The following CACNA2D1 variants were observed in gnomAD, a reference collection of about 807,000 sequenced individuals.
CACNA2D1 encodes voltage-dependent calcium channel subunit alpha-2/delta-1.
CACNA2D1 carries 53 observed loss-of-function variants against 171.5 expected under a neutral mutation model. The observed-to-expected ratio is 0.31, with a 90% confidence interval of 0.25 to 0.39. CACNA2D1 has a LOEUF of 0.39. CACNA2D1 is among the 10% of genes least tolerant of loss of function. The pLI is 1.00. For synonymous variants in CACNA2D1, 442 were observed against 443.1 expected (o/e 1.00, Z 0.03); for missense variants, 903 against 1,299.8 (o/e 0.69, Z 4.69).
chr7:82,423,503 T>C (rs1828907866), intron 1 of CACNA2D1, among the ~76,000 whole-genome samples: 1 of 152,216 alleles, frequency 6.6e-6, no homozygotes, highest in Non-Finnish European at 1.5e-5. Context: ...TCATGGCAAA[T>C]AGTAAATGTT....
At position 82,248,942 on chromosome 7, in the gene CACNA2D1, C is replaced by G. The variant is rs571011122; in HGVS notation, c.295-78333G>C. ...ACCATCCTGGCTAATACGGTGAAAC[C>G]CTGTCTCTACTAAAAATACAAAAAA... is the stretch of plus-strand genomic sequence containing the variant. On this transcript the variant is annotated intron_variant, in intron 3 of 38. Coordinates refer to ENST00000356860, the MANE Select transcript of CACNA2D1 (RefSeq NM_000722.4). Among the ~76,000 whole-genome samples, 215 of 152,032 alleles carry G rather than the reference C, an allele frequency of 1.4e-3. 4 individuals carry two copies. Among genetic ancestry groups the G allele is most frequent in the African/African-American group, 4.9e-3 (202 of 41,474 alleles).
At chr7:82,267,824 C>T (rs1808079683) in intron 3 of CACNA2D1, among the ~76,000 whole-genome samples, 1 of 152,102 alleles carries the variant, frequency 6.6e-6, no homozygotes, top group Non-Finnish European at 1.5e-5. Context: ...GAAACCCCGT[C>T]TCTACTAAAA....
At position 82,146,983 on chromosome 7, in the gene CACNA2D1, CAAAAAA is replaced by C. The variant is rs764990586; in HGVS notation, c.355-10313_355-10308del. 9.0e-3 allele frequency among the ~76,000 whole-genome samples: 228 copies of C among 25,362 alleles called. 1 individual carries two copies. Among genetic ancestry groups the C allele is most frequent in the African/African-American group, 0.015 (73 of 4,798 alleles). The allele number at this position is 25,362 out of a possible 152,430, so 16.6% of individuals were successfully genotyped here. ...CTGGGTGATAGCAAGACTCCCATCT[CAAAAAA>C]AAAAAAAAAAAAAAAAAAAAAAAAA... is the stretch of plus-strand genomic sequence containing the variant. On this transcript the variant is annotated intron_variant, in intron 4 of 38. Coordinates refer to ENST00000356860, the MANE Select transcript of CACNA2D1 (RefSeq NM_000722.4).
intron 3 of CACNA2D1, among the ~76,000 whole-genome samples, chr7:82,201,212 G>A (rs1799394814): frequency 6.6e-6 from 1 of 152,148 alleles, no homozygotes; most frequent in African/African-American, 2.4e-5. Flanking sequence ...AAGCCTGTGT[G>A]CTAAGCACAA....
chr7:82,440,313 C>A (rs1402202298), intron 1 of CACNA2D1, among the ~76,000 whole-genome samples: 1 of 151,700 alleles, frequency 6.6e-6, no homozygotes, highest in African/African-American at 2.4e-5. Flanking sequence ...AAATTAAGGA[C>A]AAATTTAAAT....
chr7:82,143,313 TAA>T (rs1217068744), intron 4 of CACNA2D1, among the ~76,000 whole-genome samples: 1 of 152,136 alleles, frequency 6.6e-6, no homozygotes, highest in African/African-American at 2.4e-5. Flanking sequence ...ATAATTGATA[TAA>T]AGTGTTAAGT....
intron 24 of CACNA2D1, among the ~76,000 whole-genome samples, chr7:81,978,878 G>A (rs998535039): frequency 8.0e-5 from 12 of 150,674 alleles, no homozygotes; most frequent in Admixed American, 7.3e-4. Flanking sequence ...TAATTGAAGT[G>A]GACATTCATT....
At chr7:82,222,893 T>C (rs531740495) in intron 3 of CACNA2D1, among the ~76,000 whole-genome samples, 24 of 150,734 alleles carry the variant, frequency 1.6e-4, no homozygotes, top group African/African-American at 4.6e-4. Flanking sequence ...ATTTTTTCTT[T>C]CTTTCTTTTT....
intron 7 of CACNA2D1, among the ~76,000 whole-genome samples, chr7:82,073,927 G>C (rs1247478199): frequency 6.6e-6 from 1 of 152,104 alleles, no homozygotes; most frequent in Non-Finnish European, 1.5e-5. Context: ...TGAATGATAA[G>C]ATGCACACAA....
chr7:82,088,044 T>C (rs1316460897), intron 6 of CACNA2D1, among the ~76,000 whole-genome samples: 1 of 152,162 alleles, frequency 6.6e-6, no homozygotes, highest in Non-Finnish European at 1.5e-5. Context: ...TTTCTGTCTG[T>C]CTCTCTAAAT....
intron 10 of CACNA2D1, among the ~76,000 whole-genome samples, chr7:82,056,426 G>A (rs746968564): frequency 6.6e-5 from 10 of 152,100 alleles, no homozygotes; most frequent in Non-Finnish European, 1.3e-4. Flanking sequence ...GAGAACATTC[G>A]TCACAGAAAA....
rs258724 is a variant in CACNA2D1, at chr7:82,143,166, T to C, written c.355-6490A>G. On this transcript the variant is annotated intron_variant, in intron 4 of 38. Transcript: ENST00000356860. The stretch of plus-strand genomic sequence containing the variant: ...TGAAGTTTGGAAAACATGAACATAT[T>C]GAGAAAGTATGTAATTTAGAAGATG... 4.6e-3 allele frequency among the ~76,000 whole-genome samples: 698 copies of C among 152,166 alleles called. 2 individuals carry two copies. The highest frequency in any genetic ancestry group is 0.016 in the African/African-American group (660 of 41,522).
chr7:82,403,666 G>A (rs1052294141), intron 1 of CACNA2D1, among the ~76,000 whole-genome samples: 13 of 152,174 alleles, frequency 8.5e-5, no homozygotes, highest in Admixed American at 1.3e-4. Flanking sequence ...CACTGTCAAG[G>A]TTGAAGAGAT....
At chr7:82,366,635 G>A (rs1821745118) in intron 1 of CACNA2D1, among the ~76,000 whole-genome samples, 1 of 152,130 alleles carries the variant, frequency 6.6e-6, no homozygotes, top group Non-Finnish European at 1.5e-5. Context: ...TGGGCACCTA[G>A]GTTGATTCCA....
intron 3 of CACNA2D1, among the ~76,000 whole-genome samples, chr7:82,262,438 T>G (rs929736851): frequency 6.6e-6 from 1 of 152,198 alleles, no homozygotes; most frequent in African/African-American, 2.4e-5. Context: ...CTTTGGTCAC[T>G]GGCTCCAGAT....
chr7:82,111,538 C>T (rs1388302967), intron 6 of CACNA2D1, among the ~76,000 whole-genome samples: 2 of 149,094 alleles, frequency 1.3e-5, no homozygotes, highest in Non-Finnish European at 3.0e-5. Flanking sequence ...ACCTCTGCCT[C>T]CTGGGCTCAC....
intron 38 of CACNA2D1, among the ~76,000 whole-genome samples, chr7:81,957,072 AG>A (rs1026330086): frequency 5.9e-5 from 9 of 152,282 alleles, no homozygotes; most frequent in African/African-American, 2.2e-4. Context: ...TATTTTAAAA[AG>A]TAGAAAAATC....
At chr7:82,107,383 C>G (rs980409973) in intron 6 of CACNA2D1, among the ~76,000 whole-genome samples, 1 of 152,036 alleles carries the variant, frequency 6.6e-6, no homozygotes. Context: ...CCAGCCCTGC[C>G]CTAAGTTATC....
chr7:82,026,485 T>C (rs980134070), intron 12 of CACNA2D1, among the ~76,000 whole-genome samples: 3 of 151,756 alleles, frequency 2.0e-5, no homozygotes, highest in Non-Finnish European at 4.4e-5. Context: ...TTTTACTAAA[T>C]CTATCGAATT....
Sources: allele counts gnomAD v4.1 joint callset (sites outside exome capture counted in the v4.1 genomes callset), GRCh38; gene constraint gnomAD v4.1.1; transcripts MANE v1.5; gene names NCBI Gene and HGNC (gene_info 2026-07-23, HGNC 2026-07-21).